The following ADRA1B variants were observed in gnomAD, a reference collection of about 807,000 sequenced individuals.
ADRA1B encodes the protein adrenoceptor alpha 1B.
In ADRA1B, 17 loss-of-function variants were observed where a neutral mutation model predicts 17.9. The ratio of observed to expected loss-of-function variants is 0.95; its 90% CI spans 0.65 to 1.42. The LOEUF (loss-of-function observed/expected upper bound fraction) is 1.42, where lower values mean the gene tolerates loss of function less well. Among genes scored for constraint, ADRA1B ranks in the 40% most tolerant of loss-of-function variants. ADRA1B has a pLI of 0.00. For missense variants in ADRA1B, 681 were observed against 722.1 expected (o/e 0.94, Z 0.65); for synonymous variants, 366 against 327.6 (o/e 1.12, Z -1.27).
At chr5:159,894,374 T>C (rs754372581) in intron 1 of ADRA1B, among the ~76,000 whole-genome samples, 22 of 152,228 alleles carry the variant, frequency 1.4e-4, no homozygotes, top group Non-Finnish European at 2.5e-4. Context: ...TTAGAGAGGT[T>C]ATGCACTTCA....
intron 1 of ADRA1B, chr5:159,955,358 A>T (rs1026010402): frequency 3.1e-5 from 6 of 192,936 alleles, no homozygotes; most frequent in African/African-American, 4.8e-5. Context: ...ATCAGTTTGG[A>T]TGCAGGAAAA....
chr5:159,908,970 G>A (rs775280984), intron 1 of ADRA1B, among the ~76,000 whole-genome samples: 31 of 152,134 alleles, frequency 2.0e-4, no homozygotes, highest in Non-Finnish European at 2.8e-4. Context: ...CCCATTCCCC[G>A]AGCACTCACT....
chr5:159,893,557 G>T (rs1054341973), intron 1 of ADRA1B, among the ~76,000 whole-genome samples: 1 of 152,186 alleles, frequency 6.6e-6, no homozygotes, highest in Admixed American at 6.5e-5. Flanking sequence ...CAAAGACTAG[G>T]GGTTGTACTA....
chr5:159,883,364 T>C (rs1405448837), intron 1 of ADRA1B, among the ~76,000 whole-genome samples: 4 of 152,234 alleles, frequency 2.6e-5, no homozygotes, highest in Non-Finnish European at 2.9e-5. Context: ...TTCTTTGGGA[T>C]TGAAACAGAG....
chr5:159,978,856 C>T, the ADRA1B span, among the ~76,000 whole-genome samples: 308 of 152,330 alleles, frequency 2.0e-3, 1 homozygote, highest in African/African-American at 7.1e-3. Flanking sequence ...CCAAACAGCA[C>T]CTGAAACCCA....
At chr5:159,870,835 T>C (rs1753729436) in intron 1 of ADRA1B, 1 of 152,320 alleles carries the variant, frequency 6.6e-6, no homozygotes, top group East Asian at 1.9e-4. Flanking sequence ...AGAGACTGTG[T>C]TGGAAAATGA....
intron 1 of ADRA1B, among the ~76,000 whole-genome samples, chr5:159,867,411 G>A (rs1277504685): frequency 6.6e-6 from 1 of 152,108 alleles, no homozygotes; most frequent in Non-Finnish European, 1.5e-5. Flanking sequence ...CAGTTCTGGG[G>A]AGTGATTATA....
At chr5:159,947,781 A>G (rs949388018) in intron 1 of ADRA1B, 5 of 985,294 alleles carry the variant, frequency 5.1e-6, no homozygotes, top group African/African-American at 1.7e-5. Flanking sequence ...TCTCCAGCCT[A>G]GAGTCTGGCC....
chr5:159,918,274 A>G (rs1328054931), intron 1 of ADRA1B, among the ~76,000 whole-genome samples: 1 of 152,270 alleles, frequency 6.6e-6, no homozygotes, highest in Non-Finnish European at 1.5e-5. Flanking sequence ...TTTGGGAAGC[A>G]GGGAGGCAGC....
intron 1 of ADRA1B, chr5:159,948,477 GGTTA>G (rs1357685176): frequency 3.9e-5 from 38 of 981,710 alleles, no homozygotes; most frequent in Non-Finnish European, 4.6e-5. Flanking sequence ...ACTTTTACTG[GGTTA>G]GTTAACGTTT....
rs775520347 is a variant in ADRA1B, at chr5:159,917,499, C to G, written c.594C>G (p.Thr198=). ...ACGATGACAAGGAGTGCGGGGTCAC[C>G]GAAGAACCCTTCTATGCCCTCTTCT... ...APNDDKECGV[T]EEPFYALFSS... The change falls in exon 1 of 2, where the codon ACC becomes ACG. Residue 198 remains threonine (T), a synonymous_variant. Coordinates refer to ENST00000306675, the MANE Select transcript of ADRA1B (RefSeq NM_000679.4). 6.2e-7 allele frequency: 1 copy of G among 1,614,032 alleles called. No individual in the cohort carries two copies. The highest frequency in any genetic ancestry group is 8.5e-7 in the Non-Finnish European group (1 of 1,179,956).
At chr5:159,881,763 T>C (rs565342558) in intron 1 of ADRA1B, among the ~76,000 whole-genome samples, 1 of 152,196 alleles carries the variant, frequency 6.6e-6, no homozygotes, top group African/African-American at 2.4e-5. Context: ...ATACCAATAT[T>C]ATAAATAGAT....
chr5:159,963,308 A>ATATATATATC (rs1491526458), intron 1 of ADRA1B, among the ~76,000 whole-genome samples: 11 of 149,742 alleles, frequency 7.3e-5, no homozygotes, highest in African/African-American at 2.5e-4. Context: ...ATATATATAT[A>ATATATATATC]TCCACACACA....
At chr5:159,905,687 C>T (rs904543756) in intron 1 of ADRA1B, among the ~76,000 whole-genome samples, 4 of 152,082 alleles carry the variant, frequency 2.6e-5, no homozygotes, top group African/African-American at 9.7e-5. Context: ...CAAACCATAG[C>T]AAATGCTATA....
intron 1 of ADRA1B, among the ~76,000 whole-genome samples, chr5:159,867,409 G>A (rs932252805): frequency 6.6e-6 from 1 of 152,078 alleles, no homozygotes; most frequent in Non-Finnish European, 1.5e-5. Flanking sequence ...TGCAGTTCTG[G>A]GGAGTGATTA....
At chr5:159,921,979 T>C (rs1476787814) in intron 1 of ADRA1B, among the ~76,000 whole-genome samples, 1 of 152,204 alleles carries the variant, frequency 6.6e-6, no homozygotes, top group East Asian at 1.9e-4. Context: ...GGGGAAGTTT[T>C]TACACACGGG....
chr5:159,927,487 G>T (rs1240169191), intron 1 of ADRA1B, among the ~76,000 whole-genome samples: 1 of 151,464 alleles, frequency 6.6e-6, no homozygotes, highest in African/African-American at 2.4e-5. Context: ...AGGTAACTTT[G>T]ATTTCTTTAA....
chr5:159,899,263 A>AAGG (rs1754070513), intron 1 of ADRA1B, among the ~76,000 whole-genome samples: 4 of 106,516 alleles, frequency 3.8e-5, no homozygotes, highest in South Asian at 3.5e-4. Flanking sequence ...AGGAAGGAAG[A>AAGG]AAGGAAGGAA....
At chr5:159,897,307 G>A (rs1754049941) in intron 1 of ADRA1B, among the ~76,000 whole-genome samples, 1 of 151,990 alleles carries the variant, frequency 6.6e-6, no homozygotes, top group South Asian at 2.1e-4. Context: ...CCAATATGGT[G>A]AAACCCCGTC....
Sources: gnomAD v4.1 joint callset for allele counts (sites outside exome capture counted in the v4.1 genomes callset) on GRCh38, gnomAD v4.1.1 for gene constraint, MANE v1.5 for transcripts, NCBI Gene and HGNC (gene_info 2026-07-23, HGNC 2026-07-21) for gene names.